ZNF280D: variants seen among roughly 807,000 people sequenced by gnomAD.
The protein encoded by ZNF280D is suppressor of hairy wing homolog 4.
A neutral mutation model predicts 94.7 loss-of-function variants in ZNF280D; 39 were observed. The observed-to-expected ratio is 0.41, with a 90% CI of 0.32 to 0.54. ZNF280D has a LOEUF of 0.54. ZNF280D is among the 20% of genes least tolerant of loss of function. The pLI is 0.22. For missense variants in ZNF280D, 1,090 were observed against 1,149.3 expected (o/e 0.95, Z 0.75); for synonymous variants, 398 against 377.6 (o/e 1.05, Z -0.63).
intron 9 of ZNF280D, 65 bp downstream of exon 9, chr15:56,688,976 T>G (rs527639331): frequency 1.2e-5 from 12 of 996,070 alleles, no homozygotes; most frequent in Middle Eastern, 3.0e-4. Context: ...CATTAATTAC[T>G]GTAATCATCA....
rs1309483192 is a variant in ZNF280D, at chr15:56,669,952, T to A, written c.1411-995A>T. ...ATATATATATTATATATATATATTA[T>A]ATATATATATTATATATATATAATA... On this transcript the variant is annotated intron_variant, in intron 13 of 21. Coordinates refer to ENST00000267807, the MANE Select transcript of ZNF280D (RefSeq NM_017661.4). Among the ~76,000 whole-genome samples, 2 of 2,218 alleles carry A rather than the reference T, an allele frequency of 9.0e-4. 1 individual carries two copies. Among genetic ancestry groups the A allele is most frequent in the Non-Finnish European group, 1.4e-3 (2 of 1,434 alleles). The allele number at this position is 2,218 out of a possible 152,430, so 1.5% of individuals were successfully genotyped here. A position where few individuals can be genotyped will look rare whatever the true frequency, so the allele number is the denominator to read the frequency against.
rs1173037356 is a variant in ZNF280D, at chr15:56,733,167, G to C, written c.-86+291C>G. On this transcript the variant is annotated intron_variant, in intron 1 of 21. Transcript: ENST00000267807. ...CAAACAGGCGCACACGCCTGGGAGA[G>C]GAGGTGGCGGAGGAGCAGAAGGCGA... 5 of 153,010 alleles carry C rather than the reference G, an allele frequency of 3.3e-5. No individual in the cohort carries two copies. The East Asian group carries it at 5.8e-4, about 18-fold the overall frequency. The allele number at this position is 153,010 out of a possible 1,614,324, so 9.5% of individuals were successfully genotyped here. A position where few individuals can be genotyped will look rare whatever the true frequency, so the allele number is the denominator to read the frequency against.
At chr15:56,725,300 A>G (rs2058577528) in intron 1 of ZNF280D, among the ~76,000 whole-genome samples, 1 of 152,128 alleles carries the variant, frequency 6.6e-6, no homozygotes, top group African/African-American at 2.4e-5. Context: ...GTGGTTGACT[A>G]AACTTTAAGG....
chr15:56,688,664 A>G (rs1455924848), intron 9 of ZNF280D: 1 of 154,062 alleles, frequency 6.5e-6, no homozygotes, highest in Admixed American at 6.5e-5. Flanking sequence ...TGACATGTAC[A>G]TGTTAACATG....
In ZNF280D at chr15:56,637,371, G is replaced by A. The variant is rs570743184; in HGVS notation, c.2260-2121C>T. 6.6e-5 allele frequency among the ~76,000 whole-genome samples: 10 copies of A among 150,504 alleles called. No homozygotes were observed. The East Asian group carries it at 1.4e-3, about 21-fold the overall frequency. Reference sequence around the variant, plus strand: ...AAACATTTTTTTTTTTTGTAGAGACGAAGTCTCCAGTGTTGCCCAGGCTGG... The same window carrying A: ...AAACATTTTTTTTTTTTGTAGAGACAAAGTCTCCAGTGTTGCCCAGGCTGG... On this transcript the variant is annotated intron_variant, in intron 20 of 21. Coordinates refer to ENST00000267807, the MANE Select transcript of ZNF280D (RefSeq NM_017661.4).
At chr15:56,726,232 G>A (rs1185217325) in intron 1 of ZNF280D, among the ~76,000 whole-genome samples, 1 of 151,652 alleles carries the variant, frequency 6.6e-6, no homozygotes, top group African/African-American at 2.4e-5. Flanking sequence ...AACCTATTAT[G>A]GAAGTAGAAG....
At chr15:56,643,105 T>G in intron 19 of ZNF280D, 108 bp from the exon 20 acceptor site, 1 of 660,798 alleles carries the variant, frequency 1.5e-6, no homozygotes, top group South Asian at 4.0e-5. Flanking sequence ...AGATCGAAAC[T>G]AATGTACATT....
rs1426899261 is a variant in ZNF280D at position 56,632,209 on chromosome 15, A to C, written c.2316-87T>G. The C allele has an allele frequency of 4.0e-6, 5 of 1,260,328 alleles. No homozygotes were observed. The African/African-American group carries it at 6.1e-5, about 15-fold the overall frequency. The allele number at this position is 1,260,328 out of a possible 1,614,324, so 78.1% of individuals were successfully genotyped here. A position where few individuals can be genotyped will look rare whatever the true frequency, so the allele number is the denominator to read the frequency against. Reference sequence around the variant, plus strand: ...AAATAAAGACGTGTTCTAAAAAATAAAAAGTCAAGGTACATTTGCCCACCA... The same window carrying C: ...AAATAAAGACGTGTTCTAAAAAATACAAAGTCAAGGTACATTTGCCCACCA... On this transcript the variant is annotated intron_variant, in intron 21 of 21. Coordinates refer to ENST00000267807, the MANE Select transcript of ZNF280D (RefSeq NM_017661.4).
chr15:56,724,973 A>C (rs1200868726), intron 1 of ZNF280D: 1 of 407,216 alleles, frequency 2.5e-6, no homozygotes, highest in Non-Finnish European at 4.8e-6. Flanking sequence ...TATAGCTGAG[A>C]GTCAGATAAT....
At chr15:56,633,681 G>C (rs1022260273) in intron 21 of ZNF280D, among the ~76,000 whole-genome samples, 1 of 151,700 alleles carries the variant, frequency 6.6e-6, no homozygotes, top group African/African-American at 2.4e-5. Flanking sequence ...AGTAGAGACG[G>C]GGTTTCACCA....
intron 17 of ZNF280D, among the ~76,000 whole-genome samples, chr15:56,655,341 G>T (rs2053476601): frequency 6.6e-6 from 1 of 152,128 alleles, no homozygotes; most frequent in Non-Finnish European, 1.5e-5. Flanking sequence ...CTGAGTAGCT[G>T]GGACTACAGG....
At chr15:56,711,278 G>T (rs755518143) in intron 1 of ZNF280D, among the ~76,000 whole-genome samples, 13 of 152,178 alleles carry the variant, frequency 8.5e-5, no homozygotes, top group Non-Finnish European at 1.8e-4. Flanking sequence ...AAGATTAAAT[G>T]AGATAATATA....
intron 13 of ZNF280D, among the ~76,000 whole-genome samples, chr15:56,674,119 T>A (rs1304440468): frequency 6.6e-6 from 1 of 152,062 alleles, no homozygotes; most frequent in Admixed American, 6.6e-5. Context: ...ACTCAGTAAA[T>A]ATTTCTTAAA....
rs182406670 is a variant in ZNF280D, at chr15:56,667,032, A to G, written c.1546-46T>C. On this transcript the variant is annotated intron_variant, in intron 14 of 21. Coordinates refer to ENST00000267807, the MANE Select transcript of ZNF280D (RefSeq NM_017661.4). ...TTTGCTTTAAGAGATTAATCAGTACATTAATATTAAAATATCATGGTACAA... is the reference window on the plus strand; with the variant it reads ...TTTGCTTTAAGAGATTAATCAGTACGTTAATATTAAAATATCATGGTACAA... The G allele has an allele frequency of 1.2e-4, 161 of 1,330,416 alleles. No homozygotes were observed. The African/African-American group carries it at 2.2e-3, about 18-fold the overall frequency. 82.4% of individuals were successfully genotyped at this position (1,330,416 alleles called of 1,614,324 possible).
chr15:56,710,393 G>T (rs573203311), intron 1 of ZNF280D, among the ~76,000 whole-genome samples: 1 of 151,506 alleles, frequency 6.6e-6, no homozygotes, highest in Non-Finnish European at 1.5e-5. Context: ...GGGCAAGAGA[G>T]CAAGACTCTG....
At chr15:56,706,545 A>G (rs2057414837) in intron 3 of ZNF280D, among the ~76,000 whole-genome samples, 1 of 152,048 alleles carries the variant, frequency 6.6e-6, no homozygotes, top group Non-Finnish European at 1.5e-5. Context: ...AGAGGCCTCA[A>G]ACCCTTCCCA....
chr15:56,714,189 T>C (rs2057918477), intron 1 of ZNF280D, among the ~76,000 whole-genome samples: 1 of 152,140 alleles, frequency 6.6e-6, no homozygotes, highest in Non-Finnish European at 1.5e-5. Context: ...TAAAAACCAG[T>C]CTTACTCTTG....
intron 20 of ZNF280D, chr15:56,635,804 G>A (rs1366153762): frequency 1.3e-5 from 2 of 152,184 alleles, no homozygotes; most frequent in Non-Finnish European, 2.9e-5. Context: ...TAAAACCTCA[G>A]TAAGCCATAG....
intron 1 of ZNF280D, among the ~76,000 whole-genome samples, chr15:56,708,929 A>C (rs1373002004): frequency 6.6e-6 from 1 of 152,180 alleles, no homozygotes; most frequent in African/African-American, 2.4e-5. Context: ...AGGCAATACC[A>C]TTCAGGACCT....
Sources: gnomAD v4.1 joint callset for allele counts (sites outside exome capture counted in the v4.1 genomes callset) on GRCh38, gnomAD v4.1.1 for gene constraint, MANE v1.5 for transcripts, NCBI Gene and HGNC (gene_info 2026-07-23, HGNC 2026-07-21) for gene names.